NCOA2: variants seen among roughly 807,000 people sequenced by gnomAD.
NCOA2 encodes the protein class E basic helix-loop-helix protein 75.
A neutral mutation model predicts 145.1 loss-of-function variants in NCOA2; 21 were observed. The observed-to-expected ratio is 0.14, with a 90% CI of 0.10 to 0.21. The LOEUF is 0.21. Ranked by LOEUF, NCOA2 falls within the 10% of genes least tolerant of loss-of-function variation. The pLI, the probability that NCOA2 is intolerant of heterozygous loss-of-function variation, is 1.00. For missense variants in NCOA2, 1,472 were observed against 1,837.6 expected, an observed-to-expected ratio of 0.80 and a Z score of 3.64; for synonymous variants, 619 against 637.5, an observed-to-expected ratio of 0.97 and a Z score of 0.44.
At chr8:70,281,988 A>G (rs1485987873) in intron 2 of NCOA2, among the ~76,000 whole-genome samples, 1 of 152,236 alleles carries the variant, frequency 6.6e-6, no homozygotes, top group Non-Finnish European at 1.5e-5. Flanking sequence ...ATCTTTCTCT[A>G]CAACTTAAGA....
chr8:70,394,096 G>A (rs1321275131), intron 1 of NCOA2, among the ~76,000 whole-genome samples: 1 of 152,216 alleles, frequency 6.6e-6, no homozygotes, highest in Admixed American at 6.5e-5. Flanking sequence ...TCCTTCACTA[G>A]GTTTCATGAC....
At chr8:70,367,606 T>G (rs1445440843) in intron 1 of NCOA2, among the ~76,000 whole-genome samples, 2 of 152,214 alleles carry the variant, frequency 1.3e-5, no homozygotes, top group African/African-American at 2.4e-5. Context: ...CAGTTTCAAT[T>G]TAAATGTTTG....
chr8:70,394,626 G>A (rs1813494932), intron 1 of NCOA2, among the ~76,000 whole-genome samples: 1 of 152,122 alleles, frequency 6.6e-6, no homozygotes, highest in African/African-American at 2.4e-5. Flanking sequence ...CAAAGAGGCA[G>A]GCATTCTTCA....
intron 4 of NCOA2, among the ~76,000 whole-genome samples, chr8:70,198,407 T>C (rs1817564302): frequency 6.6e-6 from 1 of 152,118 alleles, no homozygotes; most frequent in Non-Finnish European, 1.5e-5. Context: ...GCCTGGAAAG[T>C]ACAATGGGAC....
chr8:70,321,899 C>CG lies in NCOA2; in HGVS notation c.-76-25100dup, dbSNP rs1165832042. ...ATCCCAGCACTTTGGGAGGCCCAGG[C>CG]GGGGGGATCACCTGAGGTCAGGAGT... is the stretch of plus-strand genomic sequence containing the variant. On this transcript the variant is annotated intron_variant, in intron 1 of 22. Coordinates refer to ENST00000452400, the MANE Select transcript of NCOA2 (RefSeq NM_006540.4). Among the ~76,000 whole-genome samples, 16 of 138,368 alleles carry CG rather than the reference C, an allele frequency of 1.2e-4. 1 individual carries two copies. The South Asian group carries it at 2.6e-3, about 22-fold the overall frequency. 90.8% of individuals were successfully genotyped at this position (138,368 alleles called of 152,430 possible).
chr8:70,160,616 C>A (rs1812829635), intron 9 of NCOA2, among the ~76,000 whole-genome samples: 1 of 145,256 alleles, frequency 6.9e-6, no homozygotes, highest in African/African-American at 2.6e-5. Flanking sequence ...CCTAAAGCAA[C>A]CATGTGTATT....
intron 1 of NCOA2, among the ~76,000 whole-genome samples, chr8:70,394,216 C>T (rs1328479428): frequency 2.6e-5 from 4 of 152,134 alleles, no homozygotes; most frequent in Non-Finnish European, 4.4e-5. Context: ...AGTGCGATGG[C>T]GCAATCTTGG....
intron 1 of NCOA2, among the ~76,000 whole-genome samples, chr8:70,298,937 T>A (rs570246699): frequency 1.3e-5 from 2 of 152,030 alleles, no homozygotes; most frequent in Non-Finnish European, 2.9e-5. Context: ...GGCAGGCGCC[T>A]GTAGTTCCAG....
At chr8:70,195,186 T>A (rs1428796169) in intron 4 of NCOA2, among the ~76,000 whole-genome samples, 4 of 152,206 alleles carry the variant, frequency 2.6e-5, no homozygotes, top group African/African-American at 9.6e-5. Context: ...ACCCTTTTGC[T>A]TTTGACAGAG....
chr8:70,435,998 C>T, the NCOA2 span, among the ~76,000 whole-genome samples: 2 of 152,016 alleles, frequency 1.3e-5, no homozygotes, highest in African/African-American at 4.8e-5. Context: ...TATCCATGAT[C>T]GTTTTTCCTC....
At chr8:70,342,774 TACACACACACAC>T (rs370685018) in intron 1 of NCOA2, among the ~76,000 whole-genome samples, 3,662 of 124,102 alleles carry the variant, frequency 0.03, 65 homozygotes, top group Non-Finnish European at 0.039. Context: ...CTTTTGCAAT[TACACACACACAC>T]ACACACACAC....
intron 1 of NCOA2, among the ~76,000 whole-genome samples, chr8:70,358,584 C>T (rs1053243700): frequency 9.2e-5 from 14 of 152,222 alleles, no homozygotes; most frequent in Middle Eastern, 3.4e-3. Flanking sequence ...GAACCCCCAC[C>T]TCATTCTATA....
At chr8:70,441,393 A>G in the NCOA2 span, among the ~76,000 whole-genome samples, 1 of 38,664 alleles carries the variant, frequency 2.6e-5, no homozygotes, top group Non-Finnish European at 9.2e-5. Flanking sequence ...AGAAAGAGAA[A>G]GAAAGAAAAG....
the NCOA2 span, among the ~76,000 whole-genome samples, chr8:70,443,372 G>C: frequency 6.6e-6 from 1 of 151,690 alleles, no homozygotes; most frequent in South Asian, 2.1e-4. Context: ...AGACCCTGTC[G>C]CAAAATAATA....
intron 1 of NCOA2, among the ~76,000 whole-genome samples, chr8:70,397,197 G>A (rs1319222643): frequency 1.3e-5 from 2 of 152,178 alleles, no homozygotes; most frequent in African/African-American, 4.8e-5. Context: ...AATAGCTCAT[G>A]CCTGTAATCT....
At chr8:70,350,014 G>C (rs567383079) in intron 1 of NCOA2, among the ~76,000 whole-genome samples, 28 of 152,002 alleles carry the variant, frequency 1.8e-4, no homozygotes, top group African/African-American at 6.3e-4. Flanking sequence ...TTCCTCCTTA[G>C]TATTAAAAGC....
intron 1 of NCOA2, among the ~76,000 whole-genome samples, chr8:70,353,260 G>GT (rs1315700019): frequency 6.6e-6 from 1 of 150,908 alleles, no homozygotes; most frequent in African/African-American, 2.4e-5. Context: ...GTTTGTTTTT[G>GT]TTTTTTTGAG....
rs1341453328 is a variant in NCOA2, at chr8:70,156,353, C to T, written c.2012G>A (p.Ser671Asn). ...LSDTNKDSTG[S>N]LPGSGSTHGT... ...ATGTGTAGACCCAGAACCAGGCAAG[C>T]TACCTGTGGAGTCTTTGTTTGTATC... The change falls in exon 11 of 23, where the codon AGC (serine) becomes AAC (asparagine). Residue 671 changes from serine to asparagine, a missense_variant. By Grantham distance (46) the Ser-to-Asn change is conservative (BLOSUM62 1). Transcript: ENST00000452400. 6.2e-7 allele frequency: 1 copy of T among 1,613,922 alleles called. No homozygotes were observed.
the NCOA2 span, among the ~76,000 whole-genome samples, chr8:70,412,540 C>T: frequency 1.4e-5 from 2 of 145,018 alleles, no homozygotes; most frequent in Non-Finnish European, 1.5e-5. Context: ...AATTTATACT[C>T]AGGAAGCTGA....
Sources: gnomAD v4.1 joint callset for allele counts (sites outside exome capture counted in the v4.1 genomes callset) on GRCh38, gnomAD v4.1.1 for gene constraint, MANE v1.5 for transcripts, NCBI Gene and HGNC (gene_info 2026-07-23, HGNC 2026-07-21) for gene names.